MOSPD1: variants seen among roughly 807,000 people sequenced by gnomAD.
The protein encoded by MOSPD1 is motile sperm domain-containing protein 1.
In MOSPD1, 5 loss-of-function variants were observed where a neutral mutation model predicts 16.7. The observed-to-expected ratio is 0.30, with a 90% CI of 0.16 to 0.63. The LOEUF is 0.63. MOSPD1 is among the 30% of genes least tolerant of loss of function. MOSPD1 has a pLI of 0.82. For missense variants in MOSPD1, 104 were observed against 153.6 expected (o/e 0.68, Z 1.71); for synonymous variants, 67 against 59.2 (o/e 1.13, Z -0.61).
chrX:134,891,774 C>T (rs1024130165), intron 4 of MOSPD1, 134 bp from the exon 5 acceptor site: 1 of 630,297 alleles, frequency 1.6e-6, no homozygotes, highest in African/African-American at 2.2e-5. Context: ...TCATTTTTTC[C>T]ATCTGAGAGT....
Position 134,889,135 on chromosome X carries a change from C to T in MOSPD1, c.*26G>A. On this transcript the variant is annotated 3_prime_UTR_variant, in exon 6 of 6. Transcript: ENST00000370783. ...CATTCATATTTTCAAGACAGATTTA[C>T]TTCAGAAGTCAATTGAAATCCTTGC... The T allele has an allele frequency of 8.5e-7, 1 of 1,174,319 alleles. No individual in the cohort carries two copies. The highest frequency in any genetic ancestry group is 3.0e-5 in the East Asian group (1 of 33,002).
rs577455489 is a variant in MOSPD1, at chrX:134,889,120, T to A, written c.*41A>T. The stretch of plus-strand genomic sequence containing the variant: ...ATAAAAGGCAGTCCACATTCATATT[T>A]TCAAGACAGATTTACTTCAGAAGTC... On this transcript the variant is annotated 3_prime_UTR_variant, in exon 6 of 6. Transcript: ENST00000370783. 14 of 1,131,213 alleles carry A rather than the reference T, an allele frequency of 1.2e-5. No individual in the cohort carries two copies. The South Asian group carries it at 2.6e-4, about 21-fold the overall frequency. The allele number at this position is 1,131,213 out of a possible 1,213,427, so 93.2% of individuals were successfully genotyped here. A position where few individuals can be genotyped will look rare whatever the true frequency, so the allele number is the denominator to read the frequency against.
At chrX:134,915,103 GGGGGGCTCTCAGC>G (rs2082991352) in intron 1 of MOSPD1, 66 bp downstream of exon 1, 1 of 113,195 alleles carries the variant, frequency 8.8e-6, no homozygotes, top group East Asian at 2.8e-4. Context: ...ATTCTTTGGC[GGGGGGCTCTCAGC>G]CACGTAACTT....
chrX:134,899,661 G>C (rs943985963), intron 1 of MOSPD1, 127 bp from the exon 2 acceptor site: 4 of 286,862 alleles, frequency 1.4e-5, no homozygotes, highest in African/African-American at 1.1e-4. Flanking sequence ...AGGTGCAGTA[G>C]CTCATGCCTG....
chrX:134,899,196 GTT>G (rs761514461), intron 2 of MOSPD1, 31 bp from the exon 3 acceptor site: 10 of 886,894 alleles, frequency 1.1e-5, no homozygotes, highest in South Asian at 2.5e-5. Flanking sequence ...GGCCATTAGT[GTT>G]TTTTTTTTTT....
chrX:134,893,887 A>G (rs1206189811), intron 4 of MOSPD1, among the ~76,000 whole-genome samples: 3 of 111,817 alleles, frequency 2.7e-5, no homozygotes, highest in East Asian at 5.6e-4. Context: ...AACAATAATT[A>G]AGACCATAAT....
intron 4 of MOSPD1, among the ~76,000 whole-genome samples, chrX:134,896,586 T>C (rs746153341): frequency 1.8e-5 from 2 of 111,975 alleles, no homozygotes; most frequent in South Asian, 7.4e-4. Context: ...CAGCAACATC[T>C]ACCCGCTCCT....
intron 1 of MOSPD1, among the ~76,000 whole-genome samples, chrX:134,901,423 C>A (rs7053379): frequency 0.28 from 30,330 of 109,123 alleles, 3,762 homozygotes; most frequent in African/African-American, 0.46. Flanking sequence ...CCGAAGCGGG[C>A]GGATCACTTG....
intron 1 of MOSPD1, among the ~76,000 whole-genome samples, chrX:134,910,232 T>C (rs917387024): frequency 1.8e-5 from 2 of 110,757 alleles, no homozygotes; most frequent in Non-Finnish European, 3.8e-5. Context: ...TGGCGAATCC[T>C]CATCTCTACT....
intron 1 of MOSPD1, among the ~76,000 whole-genome samples, chrX:134,902,967 G>A (rs1367404435): frequency 1.9e-5 from 2 of 107,418 alleles, no homozygotes; most frequent in African/African-American, 6.7e-5. Context: ...ATTTCTATTG[G>A]GATAATGTGC....
chrX:134,913,143 G>A (rs1259265657), intron 1 of MOSPD1, among the ~76,000 whole-genome samples: 1 of 110,839 alleles, frequency 9.0e-6, no homozygotes. Flanking sequence ...GGAGACCGAG[G>A]GGGGGCAGAT....
intron 1 of MOSPD1, among the ~76,000 whole-genome samples, chrX:134,904,598 A>G: frequency 9.0e-6 from 1 of 111,629 alleles, no homozygotes; most frequent in East Asian, 2.8e-4. Context: ...GAGGTGGCTC[A>G]CACCTGTAAT....
Position 134,897,023 on chromosome X carries a change from T to A in MOSPD1, c.242A>T (p.His81Leu), listed in dbSNP as rs754112759. Reference protein sequence around the residue: ...PQCCVDIVIRHRDVRSCHYGV... With the variant: ...PQCCVDIVIRLRDVRSCHYGV... Reference sequence around the variant, plus strand: ...ATAGTGACAGGATCGAACATCTCGATGACGAATCACACTGAAAACAGCAAA... The same window carrying A: ...ATAGTGACAGGATCGAACATCTCGAAGACGAATCACACTGAAAACAGCAAA... Residue 81 changes from histidine to leucine, a missense_variant, in exon 4 of 6, where the codon CAT becomes CTT. Transcript: ENST00000370783. 1 of 1,198,703 alleles carries A rather than the reference T, an allele frequency of 8.3e-7. No homozygotes were observed. Among genetic ancestry groups the A allele is most frequent in the African/African-American group, 1.7e-5 (1 of 57,481 alleles).
At chrX:134,912,741 C>T (rs1228322435) in intron 1 of MOSPD1, among the ~76,000 whole-genome samples, 9 of 106,217 alleles carry the variant, frequency 8.5e-5, no homozygotes, top group Non-Finnish European at 1.4e-4. Context: ...AGATCGAGAC[C>T]ATCCTGGCTA....
In MOSPD1 at chrX:134,905,370, GA is replaced by G. The variant is rs1207222310; in HGVS notation, c.-101-5837del. On this transcript the variant is annotated intron_variant, in intron 1 of 5. Coordinates refer to ENST00000370783, the MANE Select transcript of MOSPD1 (RefSeq NM_019556.3). Reference sequence around the variant, plus strand: ...GGCGAGAGAGACTCTGTCTCAAAAAGAAAAAAAAAAAAAAAAAGGGGAGATA... The same window carrying G: ...GGCGAGAGAGACTCTGTCTCAAAAAGAAAAAAAAAAAAAAAAGGGGAGATA... Among the ~76,000 whole-genome samples, 420 of 48,341 alleles carry G rather than the reference GA, an allele frequency of 8.7e-3. 2 individuals carry two copies. The highest frequency in any genetic ancestry group is 0.026 in the African/African-American group (367 of 14,082). 42.0% of individuals were successfully genotyped at this position (48,341 alleles called of 115,157 possible).
Position 134,899,121 on chromosome X carries a change from C to T in MOSPD1, c.199G>A (p.Gly67Ser). Residue 67 changes from glycine to serine, a missense_variant, in exon 3 of 6, where the codon GGT (glycine) becomes AGT (serine). Gly to Ser is a moderately conservative substitution (Grantham distance 56). Transcript: ENST00000370783. ...PNKYVVVDAA[G>S]AVKPQCCVDI... The stretch of plus-strand genomic sequence containing the variant: ...ACACAACACTGAGGCTTTACTGCAC[C>T]TGCAGCATCAACGACAACATACTTA... 8.3e-7 allele frequency: 1 copy of T among 1,208,869 alleles called. No individual in the cohort carries two copies. Among genetic ancestry groups the T allele is most frequent in the Non-Finnish European group, 1.1e-6 (1 of 893,919 alleles).
At chrX:134,910,404 CA>C (rs778722230) in intron 1 of MOSPD1, among the ~76,000 whole-genome samples, 1,503 of 97,493 alleles carry the variant, frequency 0.015, 15 homozygotes, top group African/African-American at 0.018. Flanking sequence ...GACTCTGTCT[CA>C]AAAAAAAAAA....
Position 134,891,631 on chromosome X carries a change from G to A in MOSPD1, c.458C>T (p.Ala153Val). ...TAGTAAACTAGGTCCTGAGGATACA[G>A]CTCTGTTTTCTGTAAAAAGACAAAA... ...FEQSFQPENR[A>V]VSSGPSLLTV... The change falls in exon 5 of 6, where the codon GCT becomes GTT. Residue 153 changes from alanine (A) to valine (V), a missense_variant. Physicochemically the swap from Ala to Val is moderately conservative, Grantham distance 64. This residue lies in a region of MOSPD1 where 68 missense variants were observed against 73.1 expected (regional missense o/e 0.93). Transcript: ENST00000370783. 8.3e-7 allele frequency: 1 copy of A among 1,204,781 alleles called. No individual in the cohort carries two copies. Among genetic ancestry groups the A allele is most frequent in the African/African-American group, 1.7e-5 (1 of 57,439 alleles).
intron 1 of MOSPD1, among the ~76,000 whole-genome samples, chrX:134,903,346 A>G (rs2082922084): frequency 8.9e-6 from 1 of 111,770 alleles, no homozygotes; most frequent in Non-Finnish European, 1.9e-5. Context: ...AATGAGAAAA[A>G]CAAACAAAAA....
Sources: allele counts gnomAD v4.1 joint callset (sites outside exome capture counted in the v4.1 genomes callset), GRCh38; gene constraint gnomAD v4.1.1; regional missense constraint gnomAD v4.1.1; transcripts MANE v1.5; gene names NCBI Gene and HGNC (gene_info 2026-07-23, HGNC 2026-07-21).